COG4: variants seen among roughly 807,000 people sequenced by gnomAD.
COG4 encodes the protein component of oligomeric golgi complex 4, also known as conserved oligomeric Golgi complex subunit 4.
In COG4, 65 loss-of-function variants were observed where a neutral mutation model predicts 95.1. That is an observed-to-expected ratio of 0.68 (90% CI 0.56 to 0.84). The LOEUF (loss-of-function observed/expected upper bound fraction) is 0.84, where lower values mean the gene tolerates loss of function less well. Ranked by LOEUF, COG4 falls within the 40% of genes least tolerant of loss-of-function variation. The pLI is 0.00. For missense variants in COG4, 1,045 were observed against 989.1 expected (o/e 1.06, Z -0.76); for synonymous variants, 421 against 374.8 (o/e 1.12, Z -1.42).
intron 12 of COG4, among the ~76,000 whole-genome samples, chr16:70,494,442 G>A (rs2049301613): frequency 6.6e-6 from 1 of 152,306 alleles, no homozygotes; most frequent in Non-Finnish European, 1.5e-5. Context: ...TGGGAGTGAT[G>A]ACATTTTAAA....
intron 1 of COG4, among the ~76,000 whole-genome samples, chr16:70,522,193 AC>A (rs2049961548): frequency 6.7e-6 from 1 of 149,318 alleles, no homozygotes; most frequent in African/African-American, 2.5e-5. Flanking sequence ...GATGGTTTTC[AC>A]CATTTTGGTC....
intron 4 of COG4, 72 bp from the exon 5 acceptor site, chr16:70,512,504 A>G: frequency 8.0e-7 from 1 of 1,246,314 alleles, no homozygotes; most frequent in Non-Finnish European, 1.2e-6. Flanking sequence ...ACTTTGTGTA[A>G]TACTATTCAT....
At chr16:70,481,691 T>TGG in intron 17 of COG4, 73 bp downstream of exon 17, 2 of 1,414,040 alleles carry the variant, frequency 1.4e-6, no homozygotes. Context: ...ATGCAAGTCC[T>TGG]GGGGGTGGTG....
In COG4 at chr16:70,520,707, G is replaced by A. The variant is rs191294999; in HGVS notation, c.172-976C>T. Among the ~76,000 whole-genome samples the A allele has an allele frequency of 6.6e-5, 10 of 151,720 alleles. No homozygotes were observed. The East Asian group carries it at 1.5e-3, about 23-fold the overall frequency. The stretch of plus-strand genomic sequence containing the variant: ...ATCTTGCTGAAATGAAATTTCCAGT[G>A]ACAGTTACCAAAATTTTTCTTCTTG... On this transcript the variant is annotated intron_variant, in intron 1 of 18. Transcript: ENST00000323786.
chr16:70,489,084 A>G (rs967409141), intron 13 of COG4, among the ~76,000 whole-genome samples: 2 of 152,222 alleles, frequency 1.3e-5, no homozygotes, highest in African/African-American at 4.8e-5. Flanking sequence ...TCAAAGCCCA[A>G]GCAATTTCCA....
At chr16:70,502,207 G>GA (rs2049466551) in intron 8 of COG4, among the ~76,000 whole-genome samples, 2 of 148,250 alleles carry the variant, frequency 1.3e-5, no homozygotes, top group Non-Finnish European at 3.0e-5. Context: ...GCTTGAACCC[G>GA]GGAGGCGGAG....
intron 17 of COG4, 36 bp from the exon 18 acceptor site, chr16:70,481,523 C>T (rs1462293343): frequency 1.9e-6 from 3 of 1,609,768 alleles, no homozygotes; most frequent in Admixed American, 3.3e-5. Context: ...CTACTTAGGC[C>T]TGGCCAAGCA....
chr16:70,513,941 C>T (rs1011574445), intron 4 of COG4, among the ~76,000 whole-genome samples: 2 of 152,200 alleles, frequency 1.3e-5, no homozygotes, highest in Non-Finnish European at 2.9e-5. Flanking sequence ...GGCGCAGTAG[C>T]TTACACCTGT....
chr16:70,498,904 T>C (rs2151750349), intron 9 of COG4, among the ~76,000 whole-genome samples: 1 of 152,328 alleles, frequency 6.6e-6, no homozygotes, highest in East Asian at 1.9e-4. Context: ...TACTGTCCAG[T>C]AGAATTTCTG....
Position 70,500,949 on chromosome 16 carries a change from C to G in COG4, c.1195+9G>C. On this transcript the variant is annotated intron_variant, in intron 9 of 18. Transcript: ENST00000323786. ...CAACCCTCCCCAAAAATATGGGAAACGTTTTTACCTTGCTTTACTTCCTCT... is the reference window on the plus strand; with the variant it reads ...CAACCCTCCCCAAAAATATGGGAAAGGTTTTTACCTTGCTTTACTTCCTCT... The G allele has an allele frequency of 6.2e-7, 1 of 1,614,016 alleles. No homozygotes were observed.
At chr16:70,490,254 A>G in intron 13 of COG4, 76 bp downstream of exon 13, 3 of 1,193,128 alleles carry the variant, frequency 2.5e-6, no homozygotes, top group South Asian at 1.2e-5. Flanking sequence ...TGTCTTCACC[A>G]TGATGTTTGT....
In COG4 at chr16:70,482,106, T is replaced by C. The variant is rs1308568984; in HGVS notation, c.1990A>G (p.Met664Val). 19 of 1,613,712 alleles carry C rather than the reference T, an allele frequency of 1.2e-5. No individual in the cohort carries two copies. In the South Asian group the frequency reaches 2.0e-4, roughly 17 times the overall value. Reference sequence around the variant, plus strand: ...CCCCTGCTCACCTTGAACTCTGCCATTTGCTGCTCCAGGTTAAGGATGAAC... The same window carrying C: ...CCCCTGCTCACCTTGAACTCTGCCACTTGCTGCTCCAGGTTAAGGATGAAC... ...QQFILNLEQQ[M>V]AEFKASLSPV... The change falls in exon 16 of 19, where the codon ATG becomes GTG. Residue 664 changes from methionine (M) to valine (V), a missense_variant. By Grantham distance (21) the Met-to-Val change is conservative. Transcript: ENST00000323786.
At chr16:70,489,527 T>G (rs62049037) in intron 13 of COG4, among the ~76,000 whole-genome samples, 2 of 141,448 alleles carry the variant, frequency 1.4e-5, no homozygotes. Context: ...TTGATCCTGA[T>G]TTAAAAAAAA....
rs757360341 is a variant in COG4 at position 70,497,216 on chromosome 16, T to C, written c.1481+5A>G. ...CCTAGAAAGGAGAAAGGGAGTCAACTGTACCTGAAGTCAGACTCCAGCTCT... is the reference window on the plus strand; with the variant it reads ...CCTAGAAAGGAGAAAGGGAGTCAACCGTACCTGAAGTCAGACTCCAGCTCT... On this transcript the variant is annotated splice_donor_5th_base_variant and intron_variant, in intron 11 of 18. Transcript: ENST00000323786. 1 of 1,614,016 alleles carries C rather than the reference T, an allele frequency of 6.2e-7. No homozygotes were observed. Among genetic ancestry groups the C allele is most frequent in the Non-Finnish European group, 8.5e-7 (1 of 1,179,876 alleles).
chr16:70,514,996 G>C (rs978837307), intron 3 of COG4, among the ~76,000 whole-genome samples: 1 of 147,108 alleles, frequency 6.8e-6, no homozygotes, highest in Non-Finnish European at 1.5e-5. Context: ...TTACAGGTCT[G>C]AGTCACAGAG....
At chr16:70,481,248 T>C in intron 18 of COG4, 104 bp from the exon 19 acceptor site, 1 of 1,606,594 alleles carries the variant, frequency 6.2e-7, no homozygotes, top group South Asian at 1.1e-5. Context: ...AAGGGGAAGG[T>C]GTCCTATAGA....
chr16:70,508,978 CTTCTGCTGTGTTCTT>C, intron 7 of COG4: 6 of 572,288 alleles, frequency 1.0e-5, no homozygotes, highest in South Asian at 9.3e-5. Context: ...TGGTTTACTA[CTTCTGCTGTGTTCTT>C]TTCAGGAAGC....
Position 70,506,398 on chromosome 16 carries a change from G to A in COG4, c.1061+2008C>T, listed in dbSNP as rs138916054. ...AGCCTGGGTGACAGAGCGAGACTCC[G>A]TCTAAATTAAAAAAAACCTCATCTT... On this transcript the variant is annotated intron_variant, in intron 8 of 18. Coordinates refer to ENST00000323786, the MANE Select transcript of COG4 (RefSeq NM_015386.3). Among the ~76,000 whole-genome samples, 1,269 of 149,136 alleles carry A rather than the reference G, an allele frequency of 8.5e-3. 3 individuals carry two copies. The highest frequency in any genetic ancestry group is 0.012 in the Non-Finnish European group (821 of 67,314).
At chr16:70,502,319 G>A (rs1218296831) in intron 8 of COG4, among the ~76,000 whole-genome samples, 1 of 148,768 alleles carries the variant, frequency 6.7e-6, no homozygotes, top group East Asian at 2.0e-4. Context: ...AAGAGGCCGG[G>A]CGCAGTGGCT....
Sources: gnomAD v4.1 joint callset for allele counts (sites outside exome capture counted in the v4.1 genomes callset) on GRCh38, gnomAD v4.1.1 for gene constraint, MANE v1.5 for transcripts, NCBI Gene and HGNC (gene_info 2026-07-23, HGNC 2026-07-21) for gene names.